The following CDC42SE2 variants were observed in gnomAD, a reference collection of about 807,000 sequenced individuals.
CDC42SE2 encodes CDC42 small effector protein 2.
Under a neutral mutation model 11.5 loss-of-function variants are expected in CDC42SE2, and 3 were observed. The observed-to-expected ratio is 0.26, with a 90% confidence interval of 0.12 to 0.67. The LOEUF (loss-of-function observed/expected upper bound fraction) is 0.67. CDC42SE2 is among the 30% of genes least tolerant of loss of function. The probability of loss-of-function intolerance (pLI) is 0.80; values close to 1 mark genes in which losing one functional copy is unlikely to be tolerated. For missense variants in CDC42SE2, 82 were observed against 106.8 expected, an observed-to-expected ratio of 0.77 and a Z score of 1.02; for synonymous variants, 33 against 34.8, an observed-to-expected ratio of 0.95 and a Z score of 0.18.
intron 1 of CDC42SE2, among the ~76,000 whole-genome samples, chr5:131,247,951 T>C (rs1015590086): frequency 1.3e-5 from 2 of 151,682 alleles, no homozygotes; most frequent in Non-Finnish European, 2.9e-5. Flanking sequence ...ATAAAACAAG[T>C]ATTTTACAAA....
chr5:131,244,321 G>T (rs986503002), upstream of CDC42SE2, among the ~76,000 whole-genome samples: 1 of 152,192 alleles, frequency 6.6e-6, no homozygotes, highest in Non-Finnish European at 1.5e-5. Flanking sequence ...AGATAAAGAA[G>T]ATTTGAACAA....
intron 1 of CDC42SE2, among the ~76,000 whole-genome samples, chr5:131,266,210 CTATT>C (rs917459694): frequency 4.6e-5 from 7 of 152,032 alleles, no homozygotes; most frequent in African/African-American, 1.4e-4. Context: ...CTATTTTAAT[CTATT>C]TATATATGTT....
chr5:131,337,766 G>C (rs1231439047), intron 2 of CDC42SE2, among the ~76,000 whole-genome samples: 1 of 152,266 alleles, frequency 6.6e-6, no homozygotes, highest in Non-Finnish European at 1.5e-5. Context: ...GACCCTCTGA[G>C]CCATGTGTGG....
intron 1 of CDC42SE2, among the ~76,000 whole-genome samples, chr5:131,292,495 G>C (rs1296565522): frequency 6.7e-6 from 1 of 148,602 alleles, no homozygotes; most frequent in Non-Finnish European, 1.5e-5. Context: ...TTCAACCCAG[G>C]AAGCGGAGGT....
At chr5:131,353,920 A>AG (rs1401059951) in intron 2 of CDC42SE2, among the ~76,000 whole-genome samples, 2 of 151,708 alleles carry the variant, frequency 1.3e-5, no homozygotes, top group African/African-American at 4.8e-5. Context: ...TAAAAAAAAA[A>AG]AAAATTATCG....
chr5:131,248,572 A>T (rs1172565717), intron 1 of CDC42SE2, among the ~76,000 whole-genome samples: 1 of 152,210 alleles, frequency 6.6e-6, no homozygotes, highest in Non-Finnish European at 1.5e-5. Flanking sequence ...TTTGTGGTTG[A>T]TATGATTCTT....
At chr5:131,378,350 T>C (rs1211332992) in intron 3 of CDC42SE2, among the ~76,000 whole-genome samples, 1 of 152,100 alleles carries the variant, frequency 6.6e-6, no homozygotes, top group East Asian at 1.9e-4. Context: ...TTTTTTTCCA[T>C]ACTGTGAACT....
At chr5:131,334,880 C>T (rs1317902705) in intron 2 of CDC42SE2, among the ~76,000 whole-genome samples, 11 of 152,066 alleles carry the variant, frequency 7.2e-5, no homozygotes, top group Admixed American at 4.6e-4. Context: ...GTCTTGCTAG[C>T]GGTCTATCAA....
At chr5:131,366,113 T>G (rs1221160563) in intron 3 of CDC42SE2, among the ~76,000 whole-genome samples, 1 of 152,236 alleles carries the variant, frequency 6.6e-6, no homozygotes, top group East Asian at 1.9e-4. Context: ...ACTAGTATAC[T>G]GGAACTACCT....
the CDC42SE2 span, among the ~76,000 whole-genome samples, chr5:131,222,362 C>G: frequency 1.3e-5 from 2 of 152,116 alleles, no homozygotes; most frequent in African/African-American, 2.4e-5. Context: ...CTGGGCTGAC[C>G]CCCAGCTTCC....
chr5:131,336,243 G>T (rs938363042), intron 2 of CDC42SE2, among the ~76,000 whole-genome samples: 4 of 152,150 alleles, frequency 2.6e-5, no homozygotes, highest in Admixed American at 1.3e-4. Context: ...AGTTTGGCTG[G>T]ATATGAAATG....
chr5:131,258,997 C>T (rs1040673453), intron 2 of CDC42SE2, among the ~76,000 whole-genome samples: 1 of 152,208 alleles, frequency 6.6e-6, no homozygotes, highest in Non-Finnish European at 1.5e-5. Flanking sequence ...CAAAGTTTGA[C>T]TTAGCTTGCC....
At chr5:131,275,239 A>G (rs183678655) in intron 1 of CDC42SE2, among the ~76,000 whole-genome samples, 67 of 151,902 alleles carry the variant, frequency 4.4e-4, no homozygotes, top group African/African-American at 1.5e-3. Context: ...TGTTTCTTCA[A>G]TTCTGAGTGT....
intron 1 of CDC42SE2, among the ~76,000 whole-genome samples, chr5:131,314,380 C>T (rs1757997501): frequency 6.6e-6 from 1 of 151,960 alleles, no homozygotes; most frequent in African/African-American, 2.4e-5. Context: ...TACAGGCATG[C>T]TCCACCATGC....
rs1321375063 is a variant in CDC42SE2, at chr5:131,381,320, T to TG, written c.55-4223_55-4222insG. 9.9e-5 allele frequency among the ~76,000 whole-genome samples: 6 copies of TG among 60,562 alleles called. No individual in the cohort carries two copies. The African/African-American group carries it at 1.4e-3, about 15-fold the overall frequency. The allele number at this position is 60,562 out of a possible 152,430, so 39.7% of individuals were successfully genotyped here. A position where few individuals can be genotyped will look rare whatever the true frequency, so the allele number is the denominator to read the frequency against. ...GCCTGCAACCAAGTGCTGTTTTTTT[T>TG]TGTTTTTTTTTTTGTTTTTTTGAGA... On this transcript the variant is annotated intron_variant, in intron 3 of 4. Transcript: ENST00000505065.
chr5:131,305,043 A>G (rs1048627659), intron 1 of CDC42SE2, among the ~76,000 whole-genome samples: 1 of 151,962 alleles, frequency 6.6e-6, no homozygotes, highest in African/African-American at 2.4e-5. Flanking sequence ...CCACATTCCT[A>G]GGAGATTAGC....
At chr5:131,274,762 C>T (rs950739369) in intron 1 of CDC42SE2, among the ~76,000 whole-genome samples, 2 of 152,116 alleles carry the variant, frequency 1.3e-5, no homozygotes, top group Non-Finnish European at 2.9e-5. Flanking sequence ...ACATATAGAC[C>T]TCCCTGAGGT....
At chr5:131,346,508 C>T (rs1477025792) in intron 2 of CDC42SE2, among the ~76,000 whole-genome samples, 4 of 152,148 alleles carry the variant, frequency 2.6e-5, no homozygotes, top group Non-Finnish European at 4.4e-5. Flanking sequence ...TAAAGCAAGT[C>T]CTTAGAGACC....
intron 3 of CDC42SE2, among the ~76,000 whole-genome samples, chr5:131,376,110 A>C (rs1049511626): frequency 6.6e-6 from 1 of 152,050 alleles, no homozygotes; most frequent in Non-Finnish European, 1.5e-5. Flanking sequence ...ATGGTGGTGC[A>C]TGCCTGTAAT....
Sources: allele counts gnomAD v4.1 joint callset (sites outside exome capture counted in the v4.1 genomes callset), GRCh38; gene constraint gnomAD v4.1.1; transcripts MANE v1.5; gene names NCBI Gene and HGNC (gene_info 2026-07-23, HGNC 2026-07-21).